SLC25A21: variants seen among roughly 807,000 people sequenced by gnomAD.
The protein encoded by SLC25A21 is mitochondrial 2-oxodicarboxylate carrier.
Under a neutral mutation model 43.8 loss-of-function variants are expected in SLC25A21, and 47 were observed. The observed-to-expected ratio is 1.07, with a 90% confidence interval of 0.85 to 1.37. SLC25A21 has a LOEUF of 1.37. SLC25A21 is among the 40% of genes most tolerant of loss of function. The probability of loss-of-function intolerance (pLI) is 0.00; values close to 1 mark genes in which losing one functional copy is unlikely to be tolerated. For missense variants in SLC25A21, 352 were observed against 350.2 expected (o/e 1.00, Z -0.04); for synonymous variants, 131 against 121.3 (o/e 1.08, Z -0.52).
At chr14:36,830,354 A>G (rs1888992307) in intron 2 of SLC25A21, among the ~76,000 whole-genome samples, 1 of 152,198 alleles carries the variant, frequency 6.6e-6, no homozygotes, top group African/African-American at 2.4e-5. Context: ...CAGTGTGAAA[A>G]GTGCCTCATT....
chr14:36,931,265 T>C lies in SLC25A21; in HGVS notation c.71-56261A>G, dbSNP rs761488388. Among the ~76,000 whole-genome samples, 36 of 152,306 alleles carry C rather than the reference T, an allele frequency of 2.4e-4. 1 individual carries two copies. Among genetic ancestry groups the C allele is most frequent in the Middle Eastern group, 6.8e-3 (2 of 294 alleles). ...AACAGCGAGTAGGAAATTGTTTCTC[T>C]GGGGAAGATCATACAATTCAAGTTA... On this transcript the variant is annotated intron_variant, in intron 1 of 9. Transcript: ENST00000331299.
intron 1 of SLC25A21, among the ~76,000 whole-genome samples, chr14:36,969,162 T>C (rs1182767932): frequency 6.6e-6 from 1 of 152,210 alleles, no homozygotes. Flanking sequence ...ATATAATTCT[T>C]ATGTACAAAA....
chr14:37,106,815 T>C (rs1406941092), intron 1 of SLC25A21, among the ~76,000 whole-genome samples: 1 of 152,200 alleles, frequency 6.6e-6, no homozygotes, highest in Non-Finnish European at 1.5e-5. Context: ...CGATATGTGA[T>C]ATCACCCCCG....
At chr14:36,721,963 CT>C (rs1250952730) in intron 6 of SLC25A21, among the ~76,000 whole-genome samples, 1 of 152,332 alleles carries the variant, frequency 6.6e-6, no homozygotes, top group African/African-American at 2.4e-5. Flanking sequence ...AAGCCCTTCT[CT>C]TAAACTCTCA....
intron 1 of SLC25A21, among the ~76,000 whole-genome samples, chr14:36,928,321 A>T (rs1041328193): frequency 6.6e-6 from 1 of 152,250 alleles, no homozygotes; most frequent in Admixed American, 6.5e-5. Context: ...CAGAAGCATT[A>T]AACATGATCG....
chr14:36,978,438 G>A (rs923637908), intron 1 of SLC25A21, among the ~76,000 whole-genome samples: 6 of 152,104 alleles, frequency 3.9e-5, no homozygotes, highest in Non-Finnish European at 5.9e-5. Context: ...AAATGCTAAC[G>A]AAGTAGGTAC....
chr14:36,985,595 G>A, intron 1 of SLC25A21, among the ~76,000 whole-genome samples: 1 of 152,042 alleles, frequency 6.6e-6, no homozygotes, highest in East Asian at 1.9e-4. Context: ...TTTACGATTA[G>A]ATTCAGACAC....
At chr14:37,077,890 T>C (rs1238174048) in intron 1 of SLC25A21, among the ~76,000 whole-genome samples, 5 of 152,192 alleles carry the variant, frequency 3.3e-5, no homozygotes, top group Non-Finnish European at 7.3e-5. Context: ...TGTGGGGCTT[T>C]TGCTTTCCTT....
intron 1 of SLC25A21, among the ~76,000 whole-genome samples, chr14:37,033,019 A>G (rs770464081): frequency 6.6e-6 from 1 of 152,216 alleles, no homozygotes; most frequent in Non-Finnish European, 1.5e-5. Context: ...ACCATCTTTA[A>G]GTGTACAGCT....
chr14:36,732,821 C>T (rs1884883520), intron 4 of SLC25A21, among the ~76,000 whole-genome samples: 1 of 152,114 alleles, frequency 6.6e-6, no homozygotes, highest in Admixed American at 6.5e-5. Flanking sequence ...CTAGTGCTAT[C>T]CATCTGGCAA....
At chr14:36,862,680 G>A (rs1890105796) in intron 2 of SLC25A21, among the ~76,000 whole-genome samples, 2 of 152,116 alleles carry the variant, frequency 1.3e-5, no homozygotes, top group South Asian at 4.1e-4. Flanking sequence ...GATGGGTGCA[G>A]CAAACCACCA....
chr14:36,830,530 T>G (rs1239684875), intron 2 of SLC25A21, among the ~76,000 whole-genome samples: 1 of 152,126 alleles, frequency 6.6e-6, no homozygotes, highest in African/African-American at 2.4e-5. Context: ...ACATGTATCC[T>G]TTTTCTTTTT....
intron 1 of SLC25A21, among the ~76,000 whole-genome samples, chr14:36,946,944 T>C (rs1297421541): frequency 3.3e-5 from 5 of 152,234 alleles, no homozygotes; most frequent in Non-Finnish European, 5.9e-5. Context: ...CAGTTCATTC[T>C]GGACACTATT....
chr14:36,988,853 A>G (rs1566794929), intron 1 of SLC25A21, among the ~76,000 whole-genome samples: 1 of 152,252 alleles, frequency 6.6e-6, no homozygotes, highest in African/African-American at 2.4e-5. Flanking sequence ...TTTATGGATT[A>G]GCAACTCAAG....
chr14:36,913,753 A>G (rs1030365214), intron 1 of SLC25A21, among the ~76,000 whole-genome samples: 1 of 152,236 alleles, frequency 6.6e-6, no homozygotes, highest in Non-Finnish European at 1.5e-5. Context: ...TAATCATAGC[A>G]AATATTAAGT....
At chr14:37,050,919 T>C (rs748426666) in intron 1 of SLC25A21, among the ~76,000 whole-genome samples, 18 of 152,224 alleles carry the variant, frequency 1.2e-4, no homozygotes, top group African/African-American at 1.9e-4. Context: ...TCAAAGTACA[T>C]TGATTTCATT....
In SLC25A21 at chr14:37,109,380, A is replaced by G. The variant is rs558339787; in HGVS notation, c.70+62901T>C. Among the ~76,000 whole-genome samples the G allele has an allele frequency of 1.6e-3, 249 of 152,262 alleles. 1 individual carries two copies. The highest frequency in any genetic ancestry group is 5.4e-3 in the African/African-American group (225 of 41,566). On this transcript the variant is annotated intron_variant, in intron 1 of 9. Coordinates refer to ENST00000331299, the MANE Select transcript of SLC25A21 (RefSeq NM_030631.4). ...AGAATCAAGGAAGGAAAGGAAGAAAAGAAAAAAGGAGGGAAGGAAGGAAAG... is the reference window on the plus strand; with the variant it reads ...AGAATCAAGGAAGGAAAGGAAGAAAGGAAAAAAGGAGGGAAGGAAGGAAAG...
At chr14:36,823,006 T>C (rs765975706) in intron 2 of SLC25A21, among the ~76,000 whole-genome samples, 7 of 152,304 alleles carry the variant, frequency 4.6e-5, no homozygotes, top group East Asian at 1.9e-4. Context: ...ACAAGACATA[T>C]GGTATTTCTA....
intron 1 of SLC25A21, among the ~76,000 whole-genome samples, chr14:36,937,159 G>A (rs1220329286): frequency 4.3e-4 from 66 of 152,196 alleles, no homozygotes; most frequent in Admixed American, 4.3e-3. Context: ...CAACTGCTGT[G>A]TCTAACTAAG....
Sources: gnomAD v4.1 joint callset for allele counts (sites outside exome capture counted in the v4.1 genomes callset) on GRCh38, gnomAD v4.1.1 for gene constraint, MANE v1.5 for transcripts, NCBI Gene and HGNC (gene_info 2026-07-23, HGNC 2026-07-21) for gene names.